RYR2: variants seen among roughly 807,000 people sequenced by gnomAD.
The protein encoded by RYR2 is ryanodine receptor 2.
Under a neutral mutation model 601.1 loss-of-function variants are expected in RYR2, and 227 were observed. The ratio of observed to expected loss-of-function variants is 0.38; its 90% confidence interval spans 0.34 to 0.42. RYR2 has a LOEUF of 0.42. Ranked by LOEUF, RYR2 falls within the 10% of genes least tolerant of loss-of-function variation. The pLI is 1.00. For synonymous variants in RYR2, 2,223 were observed against 2,175.1 expected, an observed-to-expected ratio of 1.02 and a Z score of -0.61; for missense variants, 4,646 against 6,156.5, an observed-to-expected ratio of 0.75 and a Z score of 8.21.
At chr1:237,117,671 C>CTCTTCTCTTCTCTTCT in intron 1 of RYR2, among the ~76,000 whole-genome samples, 1 of 64,530 alleles carries the variant, frequency 1.5e-5, no homozygotes, top group East Asian at 4.8e-4. Flanking sequence ...CTCTTCTCTT[C>CTCTTCTCTTCTCTTCT]CTTCTCTTCT....
chr1:237,092,664 G>A (rs1667102247), intron 1 of RYR2, among the ~76,000 whole-genome samples: 1 of 151,870 alleles, frequency 6.6e-6, no homozygotes, highest in South Asian at 2.1e-4. Flanking sequence ...CGAGTAACTG[G>A]GATTACAGGC....
chr1:237,331,140 A>G (rs925384000), intron 3 of RYR2, among the ~76,000 whole-genome samples, 158 bp downstream of exon 3: 4 of 152,160 alleles, frequency 2.6e-5, no homozygotes, highest in Non-Finnish European at 5.9e-5. Flanking sequence ...TTTATCTAGC[A>G]TATTTGTGGT....
At position 237,557,734 on chromosome 1, in the gene RYR2, A is replaced by G. The variant is rs569888376; in HGVS notation, c.3214+7043A>G. ...CTGTGAACAGAAAAAATTATTTGGC[A>G]TTTAGAAGTAGAATCAGCAGAAGGA... On this transcript the variant is annotated intron_variant, in intron 27 of 104. Coordinates refer to ENST00000366574, the MANE Select transcript of RYR2 (RefSeq NM_001035.3). 8.5e-5 allele frequency among the ~76,000 whole-genome samples: 13 copies of G among 152,254 alleles called. No individual in the cohort carries two copies. The South Asian group carries it at 2.5e-3, about 29-fold the overall frequency.
intron 44 of RYR2, 43 bp downstream of exon 44, chr1:237,635,035 T>G: frequency 7.6e-7 from 1 of 1,320,262 alleles, no homozygotes; most frequent in African/African-American, 1.5e-5. Context: ...GAATTATGCT[T>G]TTTCACGGTT....
intron 24 of RYR2, among the ~76,000 whole-genome samples, chr1:237,523,871 T>C (rs1166121285): frequency 2.7e-5 from 4 of 147,072 alleles, no homozygotes; most frequent in Admixed American, 1.4e-4. Flanking sequence ...GATACTACCT[T>C]ACACACAATA....
At chr1:237,204,503 C>CAAAAAAAAAAAAA (rs67002856) in intron 1 of RYR2, among the ~76,000 whole-genome samples, 2 of 106,622 alleles carry the variant, frequency 1.9e-5, no homozygotes, top group South Asian at 3.3e-4. Context: ...AAAACAAAAA[C>CAAAAAAAAAAAAA]AAAAAAAAAA....
intron 1 of RYR2, among the ~76,000 whole-genome samples, chr1:237,075,289 G>A (rs1664877822): frequency 6.6e-6 from 1 of 152,058 alleles, no homozygotes; most frequent in Non-Finnish European, 1.5e-5. Flanking sequence ...TGGCCGAATA[G>A]GAACAGCTCC....
At position 237,723,115 on chromosome 1, in the gene RYR2, C is replaced by CT. The variant is rs776795619; in HGVS notation, c.10555-7dup. 26 of 1,596,562 alleles carry CT rather than the reference C, an allele frequency of 1.6e-5. No homozygotes were observed. Among genetic ancestry groups the CT allele is most frequent in the South Asian group, 3.4e-5 (3 of 87,662 alleles). On this transcript the variant is annotated splice_polypyrimidine_tract_variant and intron_variant, in intron 73 of 104. Transcript: ENST00000366574. ...CCCATCTTCCCATTGTAACCTTTTC[C>CT]TTTTTTCTGCAGTTGGAGGATCCTG...
intron 87 of RYR2, among the ~76,000 whole-genome samples, chr1:237,778,367 T>TC (rs1694826859): frequency 6.8e-6 from 1 of 146,448 alleles, no homozygotes; most frequent in Admixed American, 7.0e-5. Context: ...TTATTTTTTT[T>TC]CCTCTAAATA....
intron 24 of RYR2, among the ~76,000 whole-genome samples, chr1:237,515,054 G>A (rs1055761133): frequency 2.0e-5 from 3 of 152,144 alleles, no homozygotes; most frequent in Non-Finnish European, 4.4e-5. Flanking sequence ...TGCTGTTTCT[G>A]TGATTTTTTT....
At chr1:237,222,722 G>A (rs961157513) in intron 1 of RYR2, among the ~76,000 whole-genome samples, 10 of 152,012 alleles carry the variant, frequency 6.6e-5, no homozygotes, top group Non-Finnish European at 5.9e-5. Context: ...CAGTAGTACC[G>A]GCATTTTCTA....
intron 1 of RYR2, among the ~76,000 whole-genome samples, chr1:237,127,561 G>A (rs1052624549): frequency 4.0e-5 from 6 of 150,816 alleles, no homozygotes; most frequent in Non-Finnish European, 7.4e-5. Context: ...CTGGCGGGGG[G>A]CTGACCCCCC....
At chr1:237,615,294 C>G (rs1422072858) in intron 37 of RYR2, among the ~76,000 whole-genome samples, 2 of 152,158 alleles carry the variant, frequency 1.3e-5, no homozygotes, top group Non-Finnish European at 2.9e-5. Flanking sequence ...TGGGCTCAAG[C>G]CATCCTCCCA....
chr1:237,117,106 G>T (rs1670166253), intron 1 of RYR2, among the ~76,000 whole-genome samples: 1 of 152,150 alleles, frequency 6.6e-6, no homozygotes, highest in Admixed American at 6.5e-5. Flanking sequence ...CCTGTGTCAT[G>T]GAAGGCTGTG....
chr1:237,819,849 C>T lies in RYR2; in HGVS notation c.14590+657C>T, dbSNP rs565380373. 8.6e-4 allele frequency among the ~76,000 whole-genome samples: 131 copies of T among 151,980 alleles called. No individual in the cohort carries two copies. The highest frequency in any genetic ancestry group is 3.0e-3 in the African/African-American group (126 of 41,456). On this transcript the variant is annotated intron_variant, in intron 101 of 104. Transcript: ENST00000366574. The surrounding 1 kb of genome is among the most constrained non-coding windows in gnomAD (Gnocchi z 4.0). ...ACACACTCAAACCCAACAACAACAACAACAACAAAAACTTCTAAGCCCTGT... is the reference window on the plus strand; with the variant it reads ...ACACACTCAAACCCAACAACAACAATAACAACAAAAACTTCTAAGCCCTGT...
intron 1 of RYR2, among the ~76,000 whole-genome samples, chr1:237,150,682 C>G (rs1024740337): frequency 6.6e-6 from 1 of 152,046 alleles, no homozygotes; most frequent in Non-Finnish European, 1.5e-5. Context: ...AACTATGGTG[C>G]CTTTTCCAGG....
At position 237,660,021 on chromosome 1, in the gene RYR2, G is replaced by C; in HGVS notation, c.8245G>C (p.Asp2749His). Residue 2749 changes from aspartate to histidine, a missense_variant, in exon 55 of 105, where the codon GAC becomes CAC. Asp to His is a moderately conservative substitution (Grantham distance 81, BLOSUM62 -1). Coordinates refer to ENST00000366574, the MANE Select transcript of RYR2 (RefSeq NM_001035.3). Reference sequence around the variant, plus strand: ...ATGGATTTATGGAGAAATATATTCAGACTCTTCTAAGGTTCAGCCATTAAT... The same window carrying C: ...ATGGATTTATGGAGAAATATATTCACACTCTTCTAAGGTTCAGCCATTAAT... ...NGWIYGEIYS[D>H]SSKVQPLMKP... is the part of the protein sequence containing the mutation. The C allele has an allele frequency of 6.3e-7, 1 of 1,589,864 alleles. No homozygotes were observed. The highest frequency in any genetic ancestry group is 8.5e-7 in the Non-Finnish European group (1 of 1,171,392).
chr1:237,367,543 A>T (rs1031808194), intron 5 of RYR2, among the ~76,000 whole-genome samples: 7 of 152,034 alleles, frequency 4.6e-5, no homozygotes, highest in African/African-American at 1.7e-4. Flanking sequence ...TTTAATAAAA[A>T]GGTTGTAATA....
chr1:237,290,809 C>A (rs976450513), intron 2 of RYR2, among the ~76,000 whole-genome samples: 4 of 152,016 alleles, frequency 2.6e-5, no homozygotes, highest in Admixed American at 2.6e-4. Flanking sequence ...GAAAGAATAT[C>A]CAAGTAGGAA....
Sources: allele counts gnomAD v4.1 joint callset (sites outside exome capture counted in the v4.1 genomes callset), GRCh38; gene constraint gnomAD v4.1.1; non-coding constraint Gnocchi (gnomAD v3.1); transcripts MANE v1.5; gene names NCBI Gene and HGNC (gene_info 2026-07-23, HGNC 2026-07-21).